Variants in PCNX2 observed in about 807,000 individuals in gnomAD.
PCNX2 encodes the protein pecanex 2.
In PCNX2, 168 loss-of-function variants were observed where a neutral mutation model predicts 223.8. That is an observed-to-expected ratio of 0.75 (90% CI 0.66 to 0.85). PCNX2 has a LOEUF of 0.85. Among genes scored for constraint, PCNX2 ranks in the 40% least tolerant of loss-of-function variants. PCNX2 has a pLI of 0.00. For missense variants in PCNX2, 2,507 were observed against 2,675.5 expected, an observed-to-expected ratio of 0.94 and a Z score of 1.39; for synonymous variants, 1,006 against 1,052.6, an observed-to-expected ratio of 0.96 and a Z score of 0.86.
chr1:233,160,245 CCTTT>C (rs1240564366), intron 19 of PCNX2, 34 bp downstream of exon 19: 21 of 1,522,606 alleles, frequency 1.4e-5, no homozygotes, highest in Non-Finnish European at 1.9e-5. Flanking sequence ...ACCTACCCCT[CCTTT>C]TTTTTTTTTT....
intron 5 of PCNX2, 97 bp from the exon 6 acceptor site, chr1:233,252,885 A>G (rs563628892): frequency 7.6e-5 from 98 of 1,285,266 alleles, no homozygotes; most frequent in Admixed American, 1.8e-4. Context: ...GAATAGAAAG[A>G]AAATCTAAGC....
chr1:233,086,120 T>A (rs573965124), intron 23 of PCNX2, among the ~76,000 whole-genome samples: 4 of 152,184 alleles, frequency 2.6e-5, no homozygotes, highest in Non-Finnish European at 5.9e-5. Flanking sequence ...AAGTTGGGCT[T>A]TGCCAACTAG....
At chr1:233,319,819 C>T in the PCNX2 span, among the ~76,000 whole-genome samples, 1 of 152,142 alleles carries the variant, frequency 6.6e-6, no homozygotes, top group Non-Finnish European at 1.5e-5. Context: ...GAAATTAAAA[C>T]AGAGACATCT....
chr1:233,009,792 A>T (rs957473875), intron 28 of PCNX2, among the ~76,000 whole-genome samples: 1 of 152,142 alleles, frequency 6.6e-6, no homozygotes, highest in African/African-American at 2.4e-5. Flanking sequence ...GACTCATGGG[A>T]CCAGAGAACC....
At chr1:233,032,884 C>T (rs907771226) in intron 25 of PCNX2, 6 of 717,168 alleles carry the variant, frequency 8.4e-6, no homozygotes, top group Non-Finnish European at 1.0e-5. Context: ...GTAATCTGCT[C>T]TTAGGAGTGA....
chr1:233,036,538 G>A (rs1368309408), intron 25 of PCNX2, among the ~76,000 whole-genome samples: 4 of 151,754 alleles, frequency 2.6e-5, no homozygotes, highest in Non-Finnish European at 5.9e-5. Flanking sequence ...GCTGAGGCAG[G>A]AGAATCGCTT....
At chr1:233,292,258 G>A (rs1028697401) in intron 1 of PCNX2, among the ~76,000 whole-genome samples, 2 of 138,794 alleles carry the variant, frequency 1.4e-5, no homozygotes, top group Admixed American at 7.6e-5. Flanking sequence ...CCAGCCTGGA[G>A]TGCAGTGGCG....
At chr1:233,283,320 G>A (rs565117915) in intron 1 of PCNX2, among the ~76,000 whole-genome samples, 233 of 152,256 alleles carry the variant, frequency 1.5e-3, no homozygotes, top group Non-Finnish European at 2.4e-3. Flanking sequence ...ACTGAAAGGG[G>A]CTAGAGGCAA....
chr1:233,280,486 C>T (rs10797445), intron 1 of PCNX2, among the ~76,000 whole-genome samples: 91,616 of 151,730 alleles, frequency 0.6, 28,542 homozygotes, highest in East Asian at 0.82. Flanking sequence ...TTAGTAAAGA[C>T]GAGGTTTTGC....
intron 26 of PCNX2, among the ~76,000 whole-genome samples, chr1:233,020,272 G>T (rs867004633): frequency 2.4e-4 from 36 of 152,346 alleles, no homozygotes; most frequent in African/African-American, 8.4e-4. Context: ...GGAGAAAACA[G>T]AACCACCCCA....
At chr1:233,317,896 G>T in the PCNX2 span, among the ~76,000 whole-genome samples, 1 of 152,208 alleles carries the variant, frequency 6.6e-6, no homozygotes, top group Non-Finnish European at 1.5e-5. Context: ...TAACAAAGGC[G>T]AAGCCAAGAT....
intron 8 of PCNX2, 79 bp from the exon 9 acceptor site, chr1:233,237,059 C>A (rs1658466854): frequency 9.6e-6 from 15 of 1,561,268 alleles, no homozygotes; most frequent in Non-Finnish European, 1.3e-5. Flanking sequence ...AACACAAGGA[C>A]AATAGGAATG....
intron 9 of PCNX2, among the ~76,000 whole-genome samples, chr1:233,234,292 C>T (rs1186860766): frequency 6.6e-6 from 1 of 152,180 alleles, no homozygotes; most frequent in Non-Finnish European, 1.5e-5. Flanking sequence ...AATAGTAGAA[C>T]TACATTATTT....
At chr1:233,232,259 T>C (rs1338044645) in intron 9 of PCNX2, among the ~76,000 whole-genome samples, 1 of 152,228 alleles carries the variant, frequency 6.6e-6, no homozygotes, top group Non-Finnish European at 1.5e-5. Flanking sequence ...TGATAAGCAT[T>C]CAGTAGAACA....
chr1:233,173,210 T>C (rs1679264376), intron 17 of PCNX2, among the ~76,000 whole-genome samples: 1 of 152,118 alleles, frequency 6.6e-6, no homozygotes. Flanking sequence ...TCACTCTTGT[T>C]GCCCAGGCTG....
At position 233,098,565 on chromosome 1, in the gene PCNX2, C is replaced by T. The variant is rs143151102; in HGVS notation, c.3838-2702G>A. ...AGAATAAAATACATGCTTTGTAAAG[C>T]CTTTCAACATGAAGCTCATAAAATA... On this transcript the variant is annotated intron_variant, in intron 21 of 33. Transcript: ENST00000258229. 2.1e-3 allele frequency among the ~76,000 whole-genome samples: 326 copies of T among 152,062 alleles called. 14 individuals carry two copies. The East Asian group carries it at 0.056, about 26-fold the overall frequency.
chr1:233,056,364 C>T (rs1344671697), intron 24 of PCNX2, among the ~76,000 whole-genome samples: 2 of 152,200 alleles, frequency 1.3e-5, no homozygotes, highest in Non-Finnish European at 2.9e-5. Flanking sequence ...ACATTGACCA[C>T]ACATTTGCAT....
At chr1:233,089,825 G>C (rs761880068) in intron 23 of PCNX2, 12 of 1,228,168 alleles carry the variant, frequency 9.8e-6, no homozygotes, top group Non-Finnish European at 1.2e-5. Context: ...TTCACAACTG[G>C]TGAAACCTGG....
Position 233,126,516 on chromosome 1 carries a change from TTTG to T in PCNX2, c.3837+8494_3837+8496del, listed in dbSNP as rs764250740. On this transcript the variant is annotated intron_variant, in intron 21 of 33. Transcript: ENST00000258229. This position sits in a 1 kb window ranked among gnomAD's most constrained non-coding sequence, Gnocchi z 4.8. ...TAAATTTGTGTGGTGTGTGTGTGTG[TTTG>T]TGTGTGTGTGTGTGTGTGTAAATAT... Among the ~76,000 whole-genome samples the T allele has an allele frequency of 1.4e-5, 2 of 141,628 alleles. No individual in the cohort carries two copies. Among genetic ancestry groups the T allele is most frequent in the Middle Eastern group, 3.5e-3 (1 of 284 alleles). The allele number at this position is 141,628 out of a possible 152,430, so 92.9% of individuals were successfully genotyped here.
Sources: allele counts gnomAD v4.1 joint callset (sites outside exome capture counted in the v4.1 genomes callset), GRCh38; gene constraint gnomAD v4.1.1; non-coding constraint Gnocchi (gnomAD v3.1); transcripts MANE v1.5; gene names NCBI Gene and HGNC (gene_info 2026-07-23, HGNC 2026-07-21).